Variants in ZNF148 observed in about 807,000 individuals in gnomAD.
ZNF148 encodes Beta-Enolase Repressor Factor-1.
In ZNF148, 7 loss-of-function variants were observed where a neutral mutation model predicts 67.7. The ratio of observed to expected loss-of-function variants is 0.10; its 90% CI spans 0.06 to 0.19. The LOEUF (loss-of-function observed/expected upper bound fraction) is 0.19, where lower values mean the gene tolerates loss of function less well. Ranked by LOEUF, ZNF148 falls within the 10% of genes least tolerant of loss-of-function variation. The pLI is 1.00. For synonymous variants in ZNF148, 333 were observed against 330.7 expected (o/e 1.01, Z -0.08); for missense variants, 583 against 947.1 (o/e 0.62, Z 5.05).
intron 7 of ZNF148, among the ~76,000 whole-genome samples, chr3:125,267,644 C>T (rs1937563345): frequency 6.6e-6 from 1 of 152,074 alleles, no homozygotes; most frequent in Non-Finnish European, 1.5e-5. Context: ...AAAAGCTGGA[C>T]ACATTCCCCC....
At chr3:125,364,693 T>C (rs757276896) in intron 1 of ZNF148, among the ~76,000 whole-genome samples, 2 of 151,704 alleles carry the variant, frequency 1.3e-5, no homozygotes, top group Non-Finnish European at 3.0e-5. Context: ...AAATGGCACA[T>C]GAGGCATCCT....
At chr3:125,318,967 C>T (rs1278210883) in intron 3 of ZNF148, among the ~76,000 whole-genome samples, 4 of 152,050 alleles carry the variant, frequency 2.6e-5, no homozygotes, top group Non-Finnish European at 5.9e-5. Flanking sequence ...ACACAACTTC[C>T]AGTTCCATTA....
intron 7 of ZNF148, among the ~76,000 whole-genome samples, chr3:125,253,953 C>T (rs919773271): frequency 1.1e-4 from 17 of 152,090 alleles, no homozygotes; most frequent in African/African-American, 1.7e-4. Flanking sequence ...TGCTTCCTCT[C>T]TTTCTGTTTT....
intron 7 of ZNF148, among the ~76,000 whole-genome samples, chr3:125,242,621 C>T (rs1319936293): frequency 1.3e-5 from 2 of 152,144 alleles, no homozygotes; most frequent in South Asian, 2.1e-4. Flanking sequence ...AGGGGTGAGA[C>T]TCTTGTCTCA....
chr3:125,322,200 T>C (rs780508430), intron 3 of ZNF148, among the ~76,000 whole-genome samples: 1 of 151,878 alleles, frequency 6.6e-6, no homozygotes, highest in Non-Finnish European at 1.5e-5. Flanking sequence ...CGGCTAATTT[T>C]TTTTGTATGT....
At chr3:125,258,524 C>T (rs1309933648) in intron 7 of ZNF148, among the ~76,000 whole-genome samples, 3 of 151,912 alleles carry the variant, frequency 2.0e-5, no homozygotes, top group Non-Finnish European at 4.4e-5. Context: ...ACCTTATCCT[C>T]CCAAGTAGCT....
intron 5 of ZNF148, among the ~76,000 whole-genome samples, chr3:125,280,052 G>A (rs1442245401): frequency 2.0e-5 from 3 of 151,918 alleles, no homozygotes; most frequent in Non-Finnish European, 4.4e-5. Flanking sequence ...TTTATGGTCT[G>A]TTTCAGTCTA....
Position 125,279,240 on chromosome 3 carries a change from G to A in ZNF148, c.467C>T (p.Thr156Ile). 6.6e-7 allele frequency: 1 copy of A among 1,518,822 alleles called. No individual in the cohort carries two copies. The allele number at this position is 1,518,822 out of a possible 1,614,324, so 94.1% of individuals were successfully genotyped here. The change falls in exon 6 of 9, where the codon ACA becomes ATA. Residue 156 changes from threonine to isoleucine, a missense_variant. Physicochemically the swap from Thr to Ile is moderately conservative, Grantham distance 89. Coordinates refer to ENST00000360647, the MANE Select transcript of ZNF148 (RefSeq NM_021964.3). ...ACCAAGTGATCCATCCTCATTTATT[G>A]TAAGGATCTAGTTCAAAAAAAAAAA... ...RKQRSPAKIL[T>I]INEDGSLGLK...
intron 7 of ZNF148, among the ~76,000 whole-genome samples, chr3:125,258,335 G>C (rs1182736833): frequency 6.2e-5 from 9 of 145,076 alleles, no homozygotes; most frequent in Non-Finnish European, 9.0e-5. Context: ...TGAGGCAGGA[G>C]AATGGCGTGA....
At chr3:125,258,445 A>AAGG (rs869187911) in intron 7 of ZNF148, among the ~76,000 whole-genome samples, 2 of 144,886 alleles carry the variant, frequency 1.4e-5, no homozygotes, top group African/African-American at 5.1e-5. Context: ...AAAAAAAAAA[A>AAGG]GGGGGATAGC....
chr3:125,279,200 T>C lies in ZNF148; in HGVS notation c.507A>G (p.Lys169=). 1.2e-6 allele frequency: 2 copies of C among 1,603,406 alleles called. No individual in the cohort carries two copies. Among genetic ancestry groups the C allele is most frequent in the East Asian group, 2.2e-5 (1 of 44,680 alleles). The change falls in exon 6 of 9, where the codon AAA becomes AAG. Residue 169 remains lysine, a synonymous_variant. Coordinates refer to ENST00000360647, the MANE Select transcript of ZNF148 (RefSeq NM_021964.3). ...EDGSLGLKTP[K]SHVCEHCNAA... ...CATTGCAGTGCTCACAAACGTGAGA[T>C]TTAGGGGTTTTCAAACCAAGTGATC...
At chr3:125,355,724 T>C (rs79502873) in intron 1 of ZNF148, among the ~76,000 whole-genome samples, 2 of 60,566 alleles carry the variant, frequency 3.3e-5, no homozygotes, top group African/African-American at 2.0e-4. Context: ...CCAGTCTCTA[T>C]TTAAAAAAAA....
chr3:125,280,294 G>A (rs1389050791), intron 5 of ZNF148, among the ~76,000 whole-genome samples: 1 of 152,028 alleles, frequency 6.6e-6, no homozygotes, highest in Non-Finnish European at 1.5e-5. Context: ...GAGATTAAGA[G>A]TATTGCAAGC....
At chr3:125,252,309 C>T (rs1278214701) in intron 7 of ZNF148, among the ~76,000 whole-genome samples, 2 of 149,646 alleles carry the variant, frequency 1.3e-5, no homozygotes, top group Non-Finnish European at 3.0e-5. Context: ...CCCCCCATTC[C>T]AAGTTGTGAC....
intron 1 of ZNF148, among the ~76,000 whole-genome samples, chr3:125,352,661 T>A (rs1942195079): frequency 1.6e-5 from 1 of 63,290 alleles, no homozygotes; most frequent in South Asian, 4.1e-4. Context: ...GACCTCTATC[T>A]TAAAAAAAAA....
intron 3 of ZNF148, among the ~76,000 whole-genome samples, chr3:125,320,636 A>C (rs1353791499): frequency 1.3e-5 from 2 of 152,210 alleles, no homozygotes; most frequent in African/African-American, 2.4e-5. Flanking sequence ...AAAAAGAGTA[A>C]TTCCCAACTT....
At chr3:125,267,310 A>C (rs1386538832) in intron 7 of ZNF148, among the ~76,000 whole-genome samples, 1 of 152,112 alleles carries the variant, frequency 6.6e-6, no homozygotes, top group Non-Finnish European at 1.5e-5. Flanking sequence ...AAATAGATGC[A>C]AAAATCCTGA....
At chr3:125,307,551 G>A (rs1048377763) in intron 4 of ZNF148, among the ~76,000 whole-genome samples, 10 of 152,126 alleles carry the variant, frequency 6.6e-5, no homozygotes, top group South Asian at 4.1e-4. Context: ...TGATCCGCCC[G>A]CTTCGGCCTC....
intron 7 of ZNF148, among the ~76,000 whole-genome samples, chr3:125,265,989 T>A (rs921516929): frequency 6.6e-6 from 1 of 152,132 alleles, no homozygotes; most frequent in African/African-American, 2.4e-5. Context: ...CATTTTATAA[T>A]GATAAAGGGT....
Sources: allele counts gnomAD v4.1 joint callset (sites outside exome capture counted in the v4.1 genomes callset), GRCh38; gene constraint gnomAD v4.1.1; transcripts MANE v1.5; gene names NCBI Gene and HGNC (gene_info 2026-07-23, HGNC 2026-07-21).